Variants in RB1CC1 observed in about 807,000 individuals in gnomAD.
The protein encoded by RB1CC1 is RB1 inducible coiled-coil 1.
RB1CC1 carries 46 observed loss-of-function variants against 177.5 expected under a neutral mutation model. That is an observed-to-expected ratio of 0.26 (90% CI 0.20 to 0.33). The LOEUF (loss-of-function observed/expected upper bound fraction) is 0.33, where lower values mean the gene tolerates loss of function less well. RB1CC1 is among the 10% of genes least tolerant of loss of function. The pLI is 1.00. For missense variants in RB1CC1, 1,703 were observed against 1,816.3 expected, an observed-to-expected ratio of 0.94 and a Z score of 1.13; for synonymous variants, 666 against 613.6, an observed-to-expected ratio of 1.09 and a Z score of -1.26.
intron 1 of RB1CC1, among the ~76,000 whole-genome samples, chr8:52,696,148 G>C (rs1222400681): frequency 6.6e-6 from 1 of 152,158 alleles, no homozygotes; most frequent in African/African-American, 2.4e-5. Flanking sequence ...GGGTTCAAGC[G>C]ATTCTCCTGC....
chr8:52,653,713 C>G lies in RB1CC1; in HGVS notation c.3821+2295G>C, dbSNP rs182944507. ...GGAAATGCTTGGCAGCAGAAGTGGTCTGAATTTCAGATTCTGGAATATTTG... is the reference window on the plus strand; with the variant it reads ...GGAAATGCTTGGCAGCAGAAGTGGTGTGAATTTCAGATTCTGGAATATTTG... On this transcript the variant is annotated intron_variant, in intron 15 of 23. Coordinates refer to ENST00000025008, the MANE Select transcript of RB1CC1 (RefSeq NM_014781.5). Among the ~76,000 whole-genome samples, 123 of 152,206 alleles carry G rather than the reference C, an allele frequency of 8.1e-4. 1 individual carries two copies. Among genetic ancestry groups the G allele is most frequent in the African/African-American group, 2.8e-3 (117 of 41,532 alleles).
rs775966339 is a variant in RB1CC1 at position 52,657,066 on chromosome 8, T to C, written c.2763A>G (p.Glu921=). ...NEFALVKHEK[E]AVICLQNEKD... is the part of the protein sequence containing the mutation. ...TTTCATTCTGCAGGCAGATTACAGC[T>C]TCTTTTTCATGTTTAACCAAAGCAA... Residue 921 remains glutamate (E), a synonymous_variant, in exon 15 of 24, where the codon GAA becomes GAG. Transcript: ENST00000025008. 6.2e-7 allele frequency: 1 copy of C among 1,612,220 alleles called. No individual in the cohort carries two copies. Among genetic ancestry groups the C allele is most frequent in the South Asian group, 1.1e-5 (1 of 90,648 alleles).
At chr8:52,630,968 G>A (rs147303365) in intron 20 of RB1CC1, among the ~76,000 whole-genome samples, 1 of 152,138 alleles carries the variant, frequency 6.6e-6, no homozygotes, top group Non-Finnish European at 1.5e-5. Context: ...CGTCACAATT[G>A]CAAGAGAACA....
intron 5 of RB1CC1, among the ~76,000 whole-genome samples, chr8:52,679,924 A>C (rs1401393676): frequency 1.3e-5 from 2 of 152,144 alleles, no homozygotes; most frequent in East Asian, 3.9e-4. Context: ...ATTTTGTCCA[A>C]GGAGAAGGAC....
chr8:52,629,948 A>G (rs1848644717), intron 21 of RB1CC1, among the ~76,000 whole-genome samples: 1 of 152,144 alleles, frequency 6.6e-6, no homozygotes. Flanking sequence ...CCTTGGGCAC[A>G]TGTTCTCAGG....
intron 8 of RB1CC1, among the ~76,000 whole-genome samples, chr8:52,663,316 C>A (rs1340777038): frequency 6.6e-6 from 1 of 151,670 alleles, no homozygotes; most frequent in Non-Finnish European, 1.5e-5. Context: ...ATATTCAGGG[C>A]TCCAGTGTTA....
At chr8:52,691,538 C>G (rs752793255) in intron 1 of RB1CC1, among the ~76,000 whole-genome samples, 8 of 152,194 alleles carry the variant, frequency 5.3e-5, no homozygotes, top group Non-Finnish European at 1.0e-4. Flanking sequence ...TAAACCACTT[C>G]AAGGATAGTT....
In RB1CC1 at chr8:52,674,101, G is replaced by T. The variant is rs745648739; in HGVS notation, c.746C>A (p.Thr249Lys). 1.2e-6 allele frequency: 2 copies of T among 1,614,132 alleles called. No homozygotes were observed. The highest frequency in any genetic ancestry group is 1.3e-5 in the African/African-American group (1 of 75,050). The change falls in exon 7 of 24, where the codon ACA becomes AAA. Residue 249 changes from threonine to lysine, a missense_variant. By Grantham distance (78) the Thr-to-Lys change is moderately conservative. Coordinates refer to ENST00000025008, the MANE Select transcript of RB1CC1 (RefSeq NM_014781.5). ...TGAGGTTAACAAAGATTCGTTAGTT[G>T]TTCTAGGCATATCAGGAGAGAGCAC... Reference protein sequence around the residue: ...ELVLSPDMPRTTNESLLTSFP... With the variant: ...ELVLSPDMPRKTNESLLTSFP...
chr8:52,641,097 T>TGCCTG (rs1226733810), intron 18 of RB1CC1, among the ~76,000 whole-genome samples: 1 of 152,006 alleles, frequency 6.6e-6, no homozygotes, highest in Non-Finnish European at 1.5e-5. Flanking sequence ...TTAAATTTAA[T>TGCCTG]GCCTGGCCGG....
chr8:52,685,631 A>C (rs1854206409), intron 2 of RB1CC1, 111 bp from the exon 3 acceptor site: 2 of 421,264 alleles, frequency 4.7e-6, no homozygotes, highest in South Asian at 5.8e-5. Flanking sequence ...AAATATCAAA[A>C]TGGGCTTTGA....
chr8:52,702,752 A>G (rs1856196590), intron 1 of RB1CC1, among the ~76,000 whole-genome samples: 1 of 152,172 alleles, frequency 6.6e-6, no homozygotes, highest in Non-Finnish European at 1.5e-5. Context: ...ATAAAACAAG[A>G]AAACAACTTT....
intron 8 of RB1CC1, among the ~76,000 whole-genome samples, chr8:52,667,542 A>G (rs1852172385): frequency 1.3e-5 from 2 of 152,324 alleles, no homozygotes; most frequent in Middle Eastern, 3.4e-3. Flanking sequence ...TACCACTCTT[A>G]CTTAGCCATT....
intron 22 of RB1CC1, among the ~76,000 whole-genome samples, 173 bp from the exon 23 acceptor site, chr8:52,624,960 C>A (rs936008795): frequency 2.0e-5 from 3 of 152,056 alleles, no homozygotes; most frequent in East Asian, 1.9e-4. Context: ...AAACTAAATT[C>A]ATGTTACTTT....
rs1178594231 is a variant in RB1CC1, at chr8:52,623,100, G to A, written c.*682C>T. On this transcript the variant is annotated 3_prime_UTR_variant, in exon 24 of 24. Transcript: ENST00000025008. ...TGCATTTGAAATGGTTAGTAGCACAGACTCTTCCCTTTAGAACCCAGATGA... is the reference window on the plus strand; with the variant it reads ...TGCATTTGAAATGGTTAGTAGCACAAACTCTTCCCTTTAGAACCCAGATGA... The A allele has an allele frequency of 1.3e-5, 2 of 153,418 alleles. No homozygotes were observed. Among genetic ancestry groups the A allele is most frequent in the Admixed American group, 1.3e-4 (2 of 15,338 alleles). 9.5% of individuals were successfully genotyped at this position (153,418 alleles called of 1,614,324 possible).
chr8:52,631,226 G>A (rs1243591223), intron 20 of RB1CC1, among the ~76,000 whole-genome samples: 1 of 152,148 alleles, frequency 6.6e-6, no homozygotes, highest in Non-Finnish European at 1.5e-5. Flanking sequence ...GAACTTAGTT[G>A]TCCCAACGAA....
At chr8:52,634,523 A>C (rs919585305) in intron 20 of RB1CC1, among the ~76,000 whole-genome samples, 1 of 152,180 alleles carries the variant, frequency 6.6e-6, no homozygotes, top group African/African-American at 2.4e-5. Flanking sequence ...TGTCTTAAAA[A>C]AAAAAAATCA....
intron 1 of RB1CC1, among the ~76,000 whole-genome samples, chr8:52,708,142 C>T (rs1856744358): frequency 6.6e-6 from 1 of 152,214 alleles, no homozygotes; most frequent in South Asian, 2.1e-4. Flanking sequence ...CCTTACATGA[C>T]AAACCTATAC....
intron 5 of RB1CC1, among the ~76,000 whole-genome samples, chr8:52,679,600 C>T (rs1044548299): frequency 2.0e-5 from 3 of 152,100 alleles, no homozygotes; most frequent in African/African-American, 7.2e-5. Flanking sequence ...CAAACTGTAC[C>T]CTGACCACCT....
chr8:52,658,092 T>G lies in RB1CC1; in HGVS notation c.1826A>C (p.His609Pro). The G allele has an allele frequency of 6.2e-7, 1 of 1,613,706 alleles. No individual in the cohort carries two copies. Among genetic ancestry groups the G allele is most frequent in the Non-Finnish European group, 8.5e-7 (1 of 1,179,910 alleles). The change falls in exon 14 of 24, where the codon CAC becomes CCC. Residue 609 changes from histidine to proline, a missense_variant. Physicochemically the swap from His to Pro is moderately conservative, Grantham distance 77. This residue lies in a region of RB1CC1 where 1,169 missense variants were observed against 1,184.7 expected (regional missense o/e 0.99). Coordinates refer to ENST00000025008, the MANE Select transcript of RB1CC1 (RefSeq NM_014781.5). ...ATTATGTAGAGCAAGTACATGCTGG[T>G]GTAGAGGTTCAAAGTCACAAAGTAA... ...VPLLCDFEPLHQHVLALHNLV... is the reference protein window; with the variant it reads ...VPLLCDFEPLPQHVLALHNLV...
Sources: allele counts gnomAD v4.1 joint callset (sites outside exome capture counted in the v4.1 genomes callset), GRCh38; gene constraint gnomAD v4.1.1; regional missense constraint gnomAD v4.1.1; transcripts MANE v1.5; gene names NCBI Gene and HGNC (gene_info 2026-07-23, HGNC 2026-07-21).